MAGI1: variants seen among roughly 807,000 people sequenced by gnomAD.
MAGI1 encodes the protein membrane associated guanylate kinase, WW and PDZ domain containing 1.
Under a neutral mutation model 139.9 loss-of-function variants are expected in MAGI1, and 58 were observed. The observed-to-expected ratio is 0.41, with a 90% confidence interval of 0.34 to 0.52. The LOEUF (loss-of-function observed/expected upper bound fraction) is 0.52. Ranked by LOEUF, MAGI1 falls within the 20% of genes least tolerant of loss-of-function variation. The pLI is 0.12. For missense variants in MAGI1, 1,874 were observed against 1,901.6 expected (o/e 0.99, Z 0.27); for synonymous variants, 812 against 737.9 (o/e 1.10, Z -1.63).
intron 1 of MAGI1, among the ~76,000 whole-genome samples, chr3:65,733,650 G>C (rs2034418864): frequency 6.6e-6 from 1 of 152,170 alleles, no homozygotes; most frequent in African/African-American, 2.4e-5. Context: ...GTGGTAATTT[G>C]AAGACCGTTT....
In MAGI1 at chr3:66,037,989, G is replaced by T. The variant is rs112043611; in HGVS notation, c.313+7C>A. 1,270 of 1,562,456 alleles carry T rather than the reference G, an allele frequency of 8.1e-4. 13 individuals are homozygous for T. In the African/African-American group the frequency reaches 0.015, roughly 19 times the overall value. On this transcript the variant is annotated splice_region_variant and intron_variant, in intron 1 of 22. Coordinates refer to ENST00000402939, the MANE Select transcript of MAGI1 (RefSeq NM_001033057.2). ...GGGGCGCCCCCCAAAGGCGCGCCCTGCCTTACCTTGTCTGACGGCCTTGAA... is the reference window on the plus strand; with the variant it reads ...GGGGCGCCCCCCAAAGGCGCGCCCTTCCTTACCTTGTCTGACGGCCTTGAA...
chr3:65,423,019 G>A (rs1368980639), intron 12 of MAGI1, among the ~76,000 whole-genome samples: 1 of 152,152 alleles, frequency 6.6e-6, no homozygotes, highest in Non-Finnish European at 1.5e-5. Flanking sequence ...TGCAAGGCCA[G>A]GTGCCCTACA....
intron 8 of MAGI1, among the ~76,000 whole-genome samples, chr3:65,441,959 T>C (rs1220667847): frequency 6.6e-6 from 1 of 152,228 alleles, no homozygotes; most frequent in Non-Finnish European, 1.5e-5. Flanking sequence ...ATATGACAGT[T>C]ACATCTTCAG....
At chr3:65,448,706 ACAC>A (rs1948829633) in intron 6 of MAGI1, among the ~76,000 whole-genome samples, 1 of 151,150 alleles carries the variant, frequency 6.6e-6, no homozygotes. Flanking sequence ...ATACACACAC[ACAC>A]ACACACACAC....
intron 1 of MAGI1, among the ~76,000 whole-genome samples, chr3:65,743,534 C>T (rs2035445307): frequency 6.6e-6 from 1 of 151,344 alleles, no homozygotes. Flanking sequence ...ATGGTGAAAT[C>T]TCATCTCTAA....
At chr3:65,904,307 G>A (rs945347617) in intron 1 of MAGI1, among the ~76,000 whole-genome samples, 2 of 152,094 alleles carry the variant, frequency 1.3e-5, no homozygotes, top group African/African-American at 2.4e-5. Context: ...GGATTAGAAG[G>A]GTGATAAGGT....
intron 1 of MAGI1, among the ~76,000 whole-genome samples, chr3:65,641,351 G>C (rs2084973669): frequency 1.3e-5 from 2 of 152,142 alleles, no homozygotes; most frequent in African/African-American, 4.8e-5. Flanking sequence ...CCTGGGGCAT[G>C]TCTATAATAG....
intron 1 of MAGI1, among the ~76,000 whole-genome samples, chr3:66,007,635 C>T (rs935321100): frequency 9.9e-5 from 15 of 152,122 alleles, no homozygotes; most frequent in East Asian, 3.9e-4. Flanking sequence ...CTGATGCTTC[C>T]GAGGAAACAT....
intron 1 of MAGI1, among the ~76,000 whole-genome samples, chr3:65,624,190 T>C (rs1343599664): frequency 6.6e-6 from 1 of 152,230 alleles, no homozygotes; most frequent in East Asian, 1.9e-4. Flanking sequence ...TAATGGTTCG[T>C]CCTCTTAGGA....
At chr3:65,770,255 G>T (rs1015104360) in intron 1 of MAGI1, among the ~76,000 whole-genome samples, 1 of 152,190 alleles carries the variant, frequency 6.6e-6, no homozygotes, top group African/African-American at 2.4e-5. Context: ...TCCAAAGACT[G>T]TCTCATAGAA....
At chr3:65,535,496 CAAGAAA>C (rs1331400553) in intron 2 of MAGI1, among the ~76,000 whole-genome samples, 1 of 152,116 alleles carries the variant, frequency 6.6e-6, no homozygotes, top group African/African-American at 2.4e-5. Context: ...AGTTTGTGTT[CAAGAAA>C]AAGAACAGGG....
chr3:65,844,660 C>G (rs1479808972), intron 1 of MAGI1, among the ~76,000 whole-genome samples: 1 of 152,126 alleles, frequency 6.6e-6, no homozygotes, highest in Non-Finnish European at 1.5e-5. Flanking sequence ...ACTTCAGGAA[C>G]AGGGGTCCAG....
intron 1 of MAGI1, among the ~76,000 whole-genome samples, chr3:65,860,555 G>A: frequency 6.6e-6 from 1 of 152,200 alleles, no homozygotes; most frequent in East Asian, 1.9e-4. Context: ...GGTCCTCGGA[G>A]TGTGCTGCAG....
intron 1 of MAGI1, among the ~76,000 whole-genome samples, chr3:65,977,359 C>T (rs1241424384): frequency 6.6e-6 from 1 of 152,280 alleles, no homozygotes; most frequent in South Asian, 2.1e-4. Context: ...TGTCCCAGAA[C>T]AGCGTATTCG....
intron 22 of MAGI1, chr3:65,360,962 T>C: frequency 7.0e-7 from 1 of 1,423,058 alleles, no homozygotes; most frequent in Non-Finnish European, 9.2e-7. Context: ...TCTCTGATTA[T>C]CAGAAAGGGG....
intron 2 of MAGI1, among the ~76,000 whole-genome samples, chr3:65,581,420 A>G (rs2081418042): frequency 6.6e-6 from 1 of 152,158 alleles, no homozygotes; most frequent in African/African-American, 2.4e-5. Flanking sequence ...CCAAAAACCT[A>G]TATTGTACAT....
chr3:65,844,723 C>A (rs2058926028), intron 1 of MAGI1, among the ~76,000 whole-genome samples: 2 of 152,168 alleles, frequency 1.3e-5, no homozygotes, highest in Admixed American at 6.5e-5. Flanking sequence ...CCAATTCATG[C>A]AAGACCTAGG....
chr3:65,637,009 G>C (rs1395978523), intron 1 of MAGI1, among the ~76,000 whole-genome samples: 1 of 152,188 alleles, frequency 6.6e-6, no homozygotes, highest in Non-Finnish European at 1.5e-5. Context: ...GCCATCTTGG[G>C]CAGGACAATT....
chr3:65,830,828 C>A (rs1435138925), intron 1 of MAGI1, among the ~76,000 whole-genome samples: 1 of 152,076 alleles, frequency 6.6e-6, no homozygotes, highest in African/African-American at 2.4e-5. Flanking sequence ...CCAGGAGTCC[C>A]ACTTGTGACA....
Sources: allele counts gnomAD v4.1 joint callset (sites outside exome capture counted in the v4.1 genomes callset), GRCh38; gene constraint gnomAD v4.1.1; transcripts MANE v1.5; gene names NCBI Gene and HGNC (gene_info 2026-07-23, HGNC 2026-07-21).